Variants in FMN1 observed in about 807,000 individuals in gnomAD.
FMN1 encodes formin 1.
FMN1 carries 110 observed loss-of-function variants against 132.4 expected under a neutral mutation model. The observed-to-expected ratio is 0.83, with a 90% CI of 0.71 to 0.97. The LOEUF (loss-of-function observed/expected upper bound fraction) is 0.97. Ranked by LOEUF, FMN1 falls within the 50% of genes least tolerant of loss-of-function variation. The pLI, the probability that FMN1 is intolerant of heterozygous loss-of-function variation, is 0.00. For synonymous variants in FMN1, 722 were observed against 651.7 expected (o/e 1.11, Z -1.64); for missense variants, 1,792 against 1,705.3 (o/e 1.05, Z -0.90).
At chr15:33,071,351 A>T (rs1205578536) in intron 5 of FMN1, among the ~76,000 whole-genome samples, 2 of 152,202 alleles carry the variant, frequency 1.3e-5, no homozygotes, top group Non-Finnish European at 2.9e-5. Flanking sequence ...CTGGGCTCAA[A>T]CACATCAAGG....
chr15:32,829,034 TGTCA>T (rs1413680308), intron 17 of FMN1, among the ~76,000 whole-genome samples: 2 of 152,336 alleles, frequency 1.3e-5, no homozygotes, highest in East Asian at 3.9e-4. Context: ...ATGGCAAGAA[TGTCA>T]GTATTTGTTT....
intron 5 of FMN1, among the ~76,000 whole-genome samples, chr15:33,083,297 ACAGCT>A (rs745605637): frequency 5.9e-5 from 9 of 152,336 alleles, no homozygotes; most frequent in Non-Finnish European, 1.3e-4. Flanking sequence ...AGCTTCTGAA[ACAGCT>A]CAGAAACAAT....
chr15:32,935,914 C>A (rs563917411), intron 9 of FMN1, among the ~76,000 whole-genome samples: 1 of 152,274 alleles, frequency 6.6e-6, no homozygotes, highest in South Asian at 2.1e-4. Context: ...GCGTGAGCCA[C>A]CGGCACCTAG....
chr15:32,853,841 G>C (rs2059064905), intron 17 of FMN1, among the ~76,000 whole-genome samples: 1 of 152,284 alleles, frequency 6.6e-6, no homozygotes, highest in South Asian at 2.1e-4. Flanking sequence ...AGTGGGCAGG[G>C]GGCTAGCTTG....
At chr15:33,103,711 T>G (rs2039378139) in intron 4 of FMN1, among the ~76,000 whole-genome samples, 1 of 151,954 alleles carries the variant, frequency 6.6e-6, no homozygotes, top group Admixed American at 6.6e-5. Context: ...TGTAGAAGAG[T>G]ATTTAAGGTG....
At chr15:32,922,717 G>A (rs2140331637) in intron 10 of FMN1, among the ~76,000 whole-genome samples, 1 of 152,270 alleles carries the variant, frequency 6.6e-6, no homozygotes, top group Non-Finnish European at 1.5e-5. Context: ...AAATGTCATT[G>A]CCATTTGGAA....
chr15:32,771,743 A>T lies in FMN1; in HGVS notation c.*2567T>A, dbSNP rs2056253512. The T allele has an allele frequency of 6.6e-6, 1 of 152,378 alleles. No homozygotes were observed. The highest frequency in any genetic ancestry group is 3.4e-3 in the Middle Eastern group (1 of 294). 9.4% of individuals were successfully genotyped at this position (152,378 alleles called of 1,614,324 possible). On this transcript the variant is annotated 3_prime_UTR_variant, in exon 21 of 21. Transcript: ENST00000616417. ...TCCCGATCACCTCCTCTCCAGGAAAAGTTCAGATCCTCCTGCTACACTGAA... is the reference window on the plus strand; with the variant it reads ...TCCCGATCACCTCCTCTCCAGGAAATGTTCAGATCCTCCTGCTACACTGAA...
intron 19 of FMN1, among the ~76,000 whole-genome samples, chr15:32,777,532 C>T (rs117589234): frequency 0.66 from 71,124 of 107,730 alleles, 24,669 homozygotes; most frequent in South Asian, 0.72. Context: ...TTACGTATAA[C>T]ATAACATTTA....
At chr15:33,191,609 G>A (rs1966081688) in intron 2 of FMN1, among the ~76,000 whole-genome samples, 1 of 152,248 alleles carries the variant, frequency 6.6e-6, no homozygotes, top group Non-Finnish European at 1.5e-5. Flanking sequence ...GGGAACTTGA[G>A]AAACATAAGT....
At chr15:32,859,900 T>G (rs1057445435) in intron 16 of FMN1, among the ~76,000 whole-genome samples, 2 of 152,044 alleles carry the variant, frequency 1.3e-5, no homozygotes, top group African/African-American at 4.8e-5. Flanking sequence ...TATCCAGGCA[T>G]GATGGTGCAT....
At chr15:32,857,165 T>C in intron 16 of FMN1, 58 bp from the exon 17 acceptor site, 4 of 1,302,676 alleles carry the variant, frequency 3.1e-6, no homozygotes, top group Non-Finnish European at 3.3e-6. Context: ...GCTCCTGCTA[T>C]GGGCCAGGTA....
intron 5 of FMN1, among the ~76,000 whole-genome samples, chr15:33,069,757 G>C (rs2037911757): frequency 6.6e-6 from 1 of 152,122 alleles, no homozygotes; most frequent in Non-Finnish European, 1.5e-5. Flanking sequence ...TTGATCTTGT[G>C]TTTTAAACAG....
intron 7 of FMN1, 118 bp downstream of exon 7, chr15:33,007,896 G>GC: frequency 1.3e-6 from 1 of 762,712 alleles, no homozygotes; most frequent in Non-Finnish European, 2.1e-6. Context: ...ACTGGCAGCT[G>GC]CAAGATGCGA....
Position 32,891,170 on chromosome 15 carries a change from T to C in FMN1, c.3715-2878A>G, listed in dbSNP as rs1335929562. On this transcript the variant is annotated intron_variant, in intron 15 of 20. Coordinates refer to ENST00000616417, the MANE Select transcript of FMN1 (RefSeq NM_001277313.2). Reference sequence around the variant, plus strand: ...CCTTATAGTATAGTTTGAAATCAGGTAGTGTGATGCCTCCAAATTTCTCTT... The same window carrying C: ...CCTTATAGTATAGTTTGAAATCAGGCAGTGTGATGCCTCCAAATTTCTCTT... 2.6e-5 allele frequency among the ~76,000 whole-genome samples: 4 copies of C among 152,336 alleles called. No individual in the cohort carries two copies. In the East Asian group the frequency reaches 7.7e-4, roughly 29 times the overall value.
At chr15:33,016,122 A>G (rs961386142) in intron 6 of FMN1, among the ~76,000 whole-genome samples, 4 of 149,972 alleles carry the variant, frequency 2.7e-5, no homozygotes, top group African/African-American at 7.3e-5. Context: ...TCATTAAAAT[A>G]ACAAATTAAA....
chr15:33,059,778 TCA>T (rs1486958069), intron 6 of FMN1, among the ~76,000 whole-genome samples: 1 of 152,222 alleles, frequency 6.6e-6, no homozygotes, highest in Non-Finnish European at 1.5e-5. Context: ...TTTGCAGCTC[TCA>T]GTTTTTATAT....
chr15:32,939,227 C>A (rs948490224), intron 9 of FMN1, among the ~76,000 whole-genome samples: 5 of 152,210 alleles, frequency 3.3e-5, no homozygotes, highest in African/African-American at 1.2e-4. Context: ...ACTGCTGGGG[C>A]ATTAAAGCAA....
intron 7 of FMN1, among the ~76,000 whole-genome samples, 159 bp downstream of exon 7, chr15:33,007,855 A>G (rs993204736): frequency 6.6e-6 from 1 of 152,224 alleles, no homozygotes; most frequent in Non-Finnish European, 1.5e-5. Flanking sequence ...AGAATCCAAG[A>G]CTTTTCATTC....
At chr15:33,126,433 G>A (rs1462346811) in intron 4 of FMN1, among the ~76,000 whole-genome samples, 1 of 152,098 alleles carries the variant, frequency 6.6e-6, no homozygotes, top group African/African-American at 2.4e-5. Flanking sequence ...GAGAGGAGAA[G>A]GTGGGTGCAG....
Sources: gnomAD v4.1 joint callset for allele counts (sites outside exome capture counted in the v4.1 genomes callset) on GRCh38, gnomAD v4.1.1 for gene constraint, MANE v1.5 for transcripts, NCBI Gene and HGNC (gene_info 2026-07-23, HGNC 2026-07-21) for gene names.